Variants in ZNF711 observed in about 807,000 individuals in gnomAD.
The protein encoded by ZNF711 is ZFX family zinc finger ZNF711.
Under a neutral mutation model 43.5 loss-of-function variants are expected in ZNF711, and 3 were observed. The ratio of observed to expected loss-of-function variants is 0.07; its 90% CI spans 0.03 to 0.18. The LOEUF (loss-of-function observed/expected upper bound fraction) is 0.18. Among genes scored for constraint, ZNF711 ranks in the 10% least tolerant of loss-of-function variants. The pLI, the probability that ZNF711 is intolerant of heterozygous loss-of-function variation, is 1.00. For synonymous variants in ZNF711, 209 were observed against 207.7 expected (o/e 1.01, Z -0.06); for missense variants, 412 against 604.0 (o/e 0.68, Z 3.33).
chrX:85,249,026 G>A (rs1023310737), intron 4 of ZNF711, among the ~76,000 whole-genome samples: 30 of 111,874 alleles, frequency 2.7e-4, no homozygotes, highest in African/African-American at 8.5e-4. Flanking sequence ...ATTCTTTGAC[G>A]TTTCTTTCTG....
chrX:85,265,051 C>A, intron 6 of ZNF711, 67 bp from the exon 7 acceptor site: 2 of 965,673 alleles, frequency 2.1e-6, no homozygotes, highest in Non-Finnish European at 1.5e-6. Context: ...TCTATATATT[C>A]TTCTTATTAA....
intron 5 of ZNF711, 45 bp from the exon 6 acceptor site, chrX:85,264,230 T>A: frequency 9.2e-7 from 1 of 1,087,845 alleles, no homozygotes; most frequent in African/African-American, 1.8e-5. Flanking sequence ...TTGTTTTTTG[T>A]CAATGGTATT....
Position 85,256,545 on chromosome X carries a change from G to C in ZNF711, c.622+744G>C, listed in dbSNP as rs545694415. Among the ~76,000 whole-genome samples the C allele has an allele frequency of 3.6e-5, 4 of 111,321 alleles. No homozygotes were observed. The South Asian group carries it at 1.5e-3, about 42-fold the overall frequency. On this transcript the variant is annotated intron_variant, in intron 5 of 10. Coordinates refer to ENST00000674551, the MANE Select transcript of ZNF711 (RefSeq NM_001330574.2). ...AAGGGATCATGCTACAAGTAGTTAA[G>C]ATTAGACAATTTTTTTTGACTTATC... is the stretch of plus-strand genomic sequence containing the variant.
intron 8 of ZNF711, among the ~76,000 whole-genome samples, 161 bp from the exon 9 acceptor site, chrX:85,268,133 A>G (rs1477084802): frequency 9.0e-6 from 1 of 110,854 alleles, no homozygotes; most frequent in Non-Finnish European, 1.9e-5. Flanking sequence ...AGTATGTGAC[A>G]TTATCTAACC....
Position 85,252,134 on chromosome X carries a change from A to C in ZNF711, c.80-3125A>C, listed in dbSNP as rs777917540. The stretch of plus-strand genomic sequence containing the variant: ...CTGGTAAGAAGAACAAGCAAAATTT[A>C]ATAAGAGATATCTTGGATCTTGGTC... On this transcript the variant is annotated intron_variant, in intron 4 of 10. Coordinates refer to ENST00000674551, the MANE Select transcript of ZNF711 (RefSeq NM_001330574.2). Among the ~76,000 whole-genome samples the C allele has an allele frequency of 5.3e-5, 6 of 112,343 alleles. No homozygotes were observed. The South Asian group carries it at 2.2e-3, about 41-fold the overall frequency.
chrX:85,246,862 A>G (rs1206281170), intron 2 of ZNF711, 68 bp from the exon 3 acceptor site: 1 of 294,027 alleles, frequency 3.4e-6, no homozygotes, highest in African/African-American at 2.7e-5. Context: ...TTACAAGTAA[A>G]TGAAATGCTG....
In ZNF711 at chrX:85,247,647, T is replaced by G; in HGVS notation, c.75T>G (p.Asp25Glu). 2 of 1,206,729 alleles carry G rather than the reference T, an allele frequency of 1.7e-6. No homozygotes were observed. The highest frequency in any genetic ancestry group is 2.2e-6 in the Non-Finnish European group (2 of 890,843). The change falls in exon 4 of 11, where the codon GAT (aspartate) becomes GAG (glutamate). Residue 25 changes from aspartate (D) to glutamate (E), a missense_variant. Asp to Glu is a conservative substitution (Grantham distance 45). Transcript: ENST00000674551. ...SRMAHTMIMQ[D>E]FVAGMAGTAH... ...TGGCCCATACCATGATTATGCAAGATTTTGGTAAAGCATTTTCTTTGTTGT... is the reference window on the plus strand; with the variant it reads ...TGGCCCATACCATGATTATGCAAGAGTTTGGTAAAGCATTTTCTTTGTTGT...
chrX:85,264,481 A>G, intron 6 of ZNF711, 51 bp downstream of exon 6: 1 of 1,099,977 alleles, frequency 9.1e-7, no homozygotes, highest in Non-Finnish European at 1.2e-6. Flanking sequence ...ATAATTTATT[A>G]TATTTTCTGG....
chrX:85,265,310 T>A, intron 7 of ZNF711, 55 bp downstream of exon 7: 8 of 1,159,301 alleles, frequency 6.9e-6, no homozygotes, highest in Non-Finnish European at 8.2e-6. Flanking sequence ...GCATTATTTT[T>A]AAAAAATCTC....
chrX:85,244,433 C>G (rs896121043), intron 1 of ZNF711, among the ~76,000 whole-genome samples: 2 of 111,656 alleles, frequency 1.8e-5, no homozygotes, highest in African/African-American at 6.5e-5. Context: ...CTCCTCTTTC[C>G]CTAGGCCAGA....
At chrX:85,245,810 CAA>C (rs1928990221) in intron 1 of ZNF711, 91 bp from the exon 2 acceptor site, 1 of 111,743 alleles carries the variant, frequency 8.9e-6, no homozygotes, top group Non-Finnish European at 1.9e-5. Flanking sequence ...CCTCACTATG[CAA>C]GTTCAGGTGT....
chrX:85,257,105 T>TA (rs1930217791), intron 5 of ZNF711, among the ~76,000 whole-genome samples: 1 of 112,163 alleles, frequency 8.9e-6, no homozygotes, highest in South Asian at 3.6e-4. Context: ...AAAAGTTTTT[T>TA]AAAAAAGTTT....
chrX:85,262,652 A>C (rs776139672), intron 5 of ZNF711, among the ~76,000 whole-genome samples: 61 of 86,235 alleles, frequency 7.1e-4, no homozygotes, highest in Non-Finnish European at 1.4e-3. Flanking sequence ...TAGTAATATA[A>C]TTAGGAGCTC....
rs371070233 is a variant in ZNF711 at position 85,247,625 on chromosome X, C to T, written c.53C>T (p.Ala18Val). The T allele has an allele frequency of 2.5e-6, 3 of 1,210,110 alleles. No homozygotes were observed. The Admixed American group carries it at 6.5e-5, about 26-fold the overall frequency. ...LGLHTPDSRMAHTMIMQDFVA... is the reference protein window; with the variant it reads ...LGLHTPDSRMVHTMIMQDFVA... ...TTGCACACGCCAGACTCTAGAATGG[C>T]CCATACCATGATTATGCAAGATTTT... Residue 18 changes from alanine to valine, a missense_variant, in exon 4 of 11, where the codon GCC becomes GTC. Physicochemically the swap from Ala to Val is moderately conservative, Grantham distance 64 (BLOSUM62 0). Around this residue, in one of 4 missense-constraint regions of ZNF711, gnomAD observed 375 missense variants for 514.2 expected, o/e 0.73. Coordinates refer to ENST00000674551, the MANE Select transcript of ZNF711 (RefSeq NM_001330574.2).
At chrX:85,263,927 C>T (rs1930883950) in intron 5 of ZNF711, among the ~76,000 whole-genome samples, 1 of 110,049 alleles carries the variant, frequency 9.1e-6, no homozygotes, top group Non-Finnish European at 1.9e-5. Flanking sequence ...TTATGTTGCA[C>T]AGGTACAGGT....
intron 3 of ZNF711, 42 bp downstream of exon 3, chrX:85,247,230 C>A (rs1427737548): frequency 6.5e-6 from 2 of 306,270 alleles, no homozygotes; most frequent in East Asian, 9.6e-5. Context: ...TCTCGTTCTT[C>A]TTTTATAACC....
chrX:85,254,136 G>T (rs1929808223), intron 4 of ZNF711, among the ~76,000 whole-genome samples: 1 of 111,213 alleles, frequency 9.0e-6, no homozygotes, highest in African/African-American at 3.3e-5. Flanking sequence ...ACAGTGTTTG[G>T]TATAAACATA....
chrX:85,269,865 A>G (rs1931426578), intron 9 of ZNF711, 138 bp from the exon 10 acceptor site: 1 of 567,216 alleles, frequency 1.8e-6, no homozygotes, highest in Non-Finnish European at 3.0e-6. Context: ...GAGAAAGAGA[A>G]TCATAAGATG....
intron 1 of ZNF711, 123 bp from the exon 2 acceptor site, chrX:85,245,780 A>G (rs1400985403): frequency 1.8e-5 from 2 of 112,013 alleles, no homozygotes; most frequent in Non-Finnish European, 3.8e-5. Flanking sequence ...TACAGATTTG[A>G]GCATATGAAC....
Sources: allele counts gnomAD v4.1 joint callset (sites outside exome capture counted in the v4.1 genomes callset), GRCh38; gene constraint gnomAD v4.1.1; regional missense constraint gnomAD v4.1.1; transcripts MANE v1.5; gene names NCBI Gene and HGNC (gene_info 2026-07-23, HGNC 2026-07-21).